The following POU4F2 variants were observed in gnomAD, a reference collection of about 807,000 sequenced individuals.
POU4F2 encodes the protein POU domain, class 4, transcription factor 2.
A neutral mutation model predicts 21.5 loss-of-function variants in POU4F2; 10 were observed. That is an observed-to-expected ratio of 0.46 (90% CI 0.29 to 0.79). The LOEUF (loss-of-function observed/expected upper bound fraction) is 0.79. POU4F2 is among the 30% of genes least tolerant of loss of function. POU4F2 has a pLI of 0.10. For missense variants in POU4F2, 623 were observed against 603.3 expected, an observed-to-expected ratio of 1.03 and a Z score of -0.34; for synonymous variants, 324 against 271.1, an observed-to-expected ratio of 1.20 and a Z score of -1.92.
chr4:146,639,101 G>A lies in POU4F2; in HGVS notation c.-40G>A. 6.3e-7 allele frequency: 1 copy of A among 1,590,828 alleles called. No homozygotes were observed. On this transcript the variant is annotated 5_prime_UTR_variant, in exon 1 of 2. It adds an upstream start codon to the 5' untranslated region. Transcript: ENST00000281321. ...CGGAGGGTCCCGGCAGCCGGGACCA[G>A]TGAGTGCCTCTACGGACCAGCGCCC... is the stretch of plus-strand genomic sequence containing the variant.
rs776534071 is a variant in POU4F2, at chr4:146,640,034, G to A, written c.456G>A (p.Ser152=). The change falls in exon 2 of 2, where the codon TCG becomes TCA. Residue 152 remains serine, a synonymous_variant. Coordinates refer to ENST00000281321, the MANE Select transcript of POU4F2 (RefSeq NM_004575.3). This position sits in a 1 kb window ranked among gnomAD's most constrained non-coding sequence, Gnocchi z 4.8. ...CTATGAATACCATCCCGTGCACGTC[G>A]GCCGCCTCTTCTTCATCGGTGCCCA... ...YHTMNTIPCT[S]AASSSSVPIS... The A allele has an allele frequency of 1.2e-6, 2 of 1,610,328 alleles. No individual in the cohort carries two copies. The highest frequency in any genetic ancestry group is 1.7e-6 in the Non-Finnish European group (2 of 1,179,832).
chr4:146,639,759 G>T (rs985246722), intron 1 of POU4F2, 108 bp from the exon 2 acceptor site: 14 of 1,100,150 alleles, frequency 1.3e-5, no homozygotes, highest in Non-Finnish European at 1.8e-5. Flanking sequence ...AACGATCTGG[G>T]AATGTTGTAG....
Position 146,640,883 on chromosome 4 carries a change from T to G in POU4F2, c.*75T>G. The G allele has an allele frequency of 7.0e-7, 1 of 1,419,846 alleles. No individual in the cohort carries two copies. Among genetic ancestry groups the G allele is most frequent in the Non-Finnish European group, 9.4e-7 (1 of 1,062,732 alleles). The allele number at this position is 1,419,846 out of a possible 1,614,324, so 88.0% of individuals were successfully genotyped here. ...TCTCCTCTCTTCTGCCTCTTTTCAC[T>G]TTTGGCGACTAGAAACAATTCCAGT... On this transcript the variant is annotated 3_prime_UTR_variant, in exon 2 of 2. Coordinates refer to ENST00000281321, the MANE Select transcript of POU4F2 (RefSeq NM_004575.3). The surrounding 1 kb of genome is among the most constrained non-coding windows in gnomAD (Gnocchi z 4.8).
chr4:146,640,307 G>A lies in POU4F2; in HGVS notation c.729G>A (p.Ser243=). The A allele has an allele frequency of 1.9e-6, 3 of 1,564,620 alleles. No individual in the cohort carries two copies. The highest frequency in any genetic ancestry group is 2.4e-5 in the South Asian group (2 of 83,224). Residue 243 remains serine, a synonymous_variant, in exon 2 of 2, where the codon TCG becomes TCA. Coordinates refer to ENST00000281321, the MANE Select transcript of POU4F2 (RefSeq NM_004575.3). The surrounding 1 kb of genome is among the most constrained non-coding windows in gnomAD (Gnocchi z 4.8). ...TGGCCCACGCGCACGGGCTGCCGTC[G>A]CACATGGGCTGCATGAGCGACGTGG... The part of the protein sequence containing the change: ...LSMAHAHGLP[S]HMGCMSDVDA...
chr4:146,640,053 G>A lies in POU4F2; in HGVS notation c.475G>A (p.Val159Met), dbSNP rs1366557354. Residue 159 changes from valine to methionine, a missense_variant, in exon 2 of 2, where the codon GTG becomes ATG. Val to Met is a conservative substitution (Grantham distance 21). Around this residue, in one of 3 missense-constraint regions of POU4F2, gnomAD observed 523 missense variants for 504.1 expected, o/e 1.04. Coordinates refer to ENST00000281321, the MANE Select transcript of POU4F2 (RefSeq NM_004575.3). This position sits in a 1 kb window ranked among gnomAD's most constrained non-coding sequence, Gnocchi z 4.8. ...PCTSAASSSS[V>M]PISHPSALAG... is the part of the protein sequence containing the mutation. Reference sequence around the variant, plus strand: ...CACGTCGGCCGCCTCTTCTTCATCGGTGCCCATCTCGCACCCTTCCGCGTT... The same window carrying A: ...CACGTCGGCCGCCTCTTCTTCATCGATGCCCATCTCGCACCCTTCCGCGTT... 1 of 1,608,646 alleles carries A rather than the reference G, an allele frequency of 6.2e-7. No homozygotes were observed. Among genetic ancestry groups the A allele is most frequent in the African/African-American group, 1.3e-5 (1 of 74,894 alleles).
rs1291903918 is a variant in POU4F2 at position 146,640,473 on chromosome 4, A to G, written c.895A>G (p.Ile299Val). The G allele has an allele frequency of 1.1e-5, 17 of 1,613,958 alleles. No individual in the cohort carries two copies. In the Admixed American group the frequency reaches 2.7e-4, roughly 25 times the overall value. Residue 299 changes from isoleucine (I) to valine (V), a missense_variant, in exon 2 of 2, where the codon ATC becomes GTC. Around this residue, in one of 3 missense-constraint regions of POU4F2, gnomAD observed 523 missense variants for 504.1 expected, o/e 1.04. Transcript: ENST00000281321. This position sits in a 1 kb window ranked among gnomAD's most constrained non-coding sequence, Gnocchi z 4.8. Reference protein sequence around the residue: ...PGVGSLSQSTICRFESLTLSH... With the variant: ...PGVGSLSQSTVCRFESLTLSH... The stretch of plus-strand genomic sequence containing the variant: ...CGTGGGCTCGCTTAGCCAGAGCACC[A>G]TCTGCAGGTTCGAGTCCCTCACACT...
chr4:146,640,344 C>T lies in POU4F2; in HGVS notation c.766C>T (p.Arg256Trp). ...CATGAGCGACGTGGACGCCGACCCG[C>T]GGGACCTGGAGGCATTCGCCGAGCG... The part of the protein sequence containing the change: ...GCMSDVDADP[R>W]DLEAFAERFK... The change falls in exon 2 of 2, where the codon CGG becomes TGG. Residue 256 changes from arginine to tryptophan, a missense_variant. Transcript: ENST00000281321. The surrounding 1 kb of genome is among the most constrained non-coding windows in gnomAD (Gnocchi z 4.8). 2 of 1,585,922 alleles carry T rather than the reference C, an allele frequency of 1.3e-6. No individual in the cohort carries two copies.
In POU4F2 at chr4:146,639,728, G is replaced by GATTATT. The variant is rs777576713; in HGVS notation, c.289-126_289-121dup. ...TTTTTCTCTTCACCTCTGTTTTCAG[G>GATTATT]ATTATTATTATTATTATTTTAACGA... is the stretch of plus-strand genomic sequence containing the variant. On this transcript the variant is annotated intron_variant, in intron 1 of 1. Coordinates refer to ENST00000281321, the MANE Select transcript of POU4F2 (RefSeq NM_004575.3). The GATTATT allele has an allele frequency of 4.0e-6, 4 of 988,454 alleles. No homozygotes were observed. In the African/African-American group the frequency reaches 5.1e-5, roughly 13 times the overall value. The allele number at this position is 988,454 out of a possible 1,614,324, so 61.2% of individuals were successfully genotyped here. A position where few individuals can be genotyped will look rare whatever the true frequency, so the allele number is the denominator to read the frequency against.
Position 146,641,080 on chromosome 4 carries a change from A to G in POU4F2, c.*272A>G. ...AACCCCACCTCGGCTTCTTCAGAGG[A>G]AGTGTGGAGATGGCTGTTTGCAGGA... On this transcript the variant is annotated 3_prime_UTR_variant, in exon 2 of 2. Transcript: ENST00000281321. 2.9e-6 allele frequency: 1 copy of G among 345,958 alleles called. No individual in the cohort carries two copies. Among genetic ancestry groups the G allele is most frequent in the Non-Finnish European group, 5.2e-6 (1 of 193,920 alleles). 21.4% of individuals were successfully genotyped at this position (345,958 alleles called of 1,614,324 possible).
Position 146,639,201 on chromosome 4 carries a change from CACGTGG to C in POU4F2, c.63_68del (p.His21_Glu23delinsGln), listed in dbSNP as rs1561026562. The C allele has an allele frequency of 1.2e-6, 2 of 1,606,904 alleles. No homozygotes were observed. Among genetic ancestry groups the C allele is most frequent in the African/African-American group, 2.7e-5 (2 of 74,178 alleles). ...TAGCATGCCGCACGGCGGCAGCCTG[CACGTGG>C]AGCCCAAGTACTCGGCACTGCACAG... On this transcript the variant is annotated inframe_deletion, in exon 1 of 2. Coordinates refer to ENST00000281321, the MANE Select transcript of POU4F2 (RefSeq NM_004575.3).
chr4:146,640,080 GC>G lies in POU4F2; in HGVS notation c.503del (p.Ala168GlyfsTer29). ...GCCCATCTCGCACCCTTCCGCGTTG[GC>G]GGGCACGCACCACCACCACCACCAT... ...SVPISHPSAL[A>X]GTHHHHHHHH... On this transcript the variant is annotated frameshift_variant, in exon 2 of 2. Coordinates refer to ENST00000281321, the MANE Select transcript of POU4F2 (RefSeq NM_004575.3). LOFTEE classifies it high-confidence loss of function. The surrounding 1 kb of genome is among the most constrained non-coding windows in gnomAD (Gnocchi z 4.8). 6.2e-7 allele frequency: 1 copy of G among 1,605,544 alleles called. No homozygotes were observed.
rs1740867777 is a variant in POU4F2, at chr4:146,640,597, T to A, written c.1019T>A (p.Phe340Tyr). 1.9e-6 allele frequency: 3 copies of A among 1,613,968 alleles called. No individual in the cohort carries two copies. In the African/African-American group the frequency reaches 4.0e-5, roughly 22 times the overall value. Residue 340 changes from phenylalanine (F) to tyrosine (Y), a missense_variant, in exon 2 of 2, where the codon TTC (phenylalanine) becomes TAC (tyrosine). Physicochemically the swap from Phe to Tyr is conservative, Grantham distance 22. Around this residue, in one of 3 missense-constraint regions of POU4F2, gnomAD observed 523 missense variants for 504.1 expected, o/e 1.04. Transcript: ENST00000281321. The surrounding 1 kb of genome is among the most constrained non-coding windows in gnomAD (Gnocchi z 4.8). ...HREKLTKPEL[F>Y]NGAEKKRKRT... ...GAGAAGCTCACCAAGCCTGAACTCT[T>A]CAATGGCGCGGAGAAGAAGCGCAAG...
Position 146,640,382 on chromosome 4 carries a change from A to T in POU4F2, c.804A>T (p.Arg268=). ...CATTCGCCGAGCGCTTCAAGCAGCG[A>T]CGCATCAAGCTGGGGGTGACCCAGG... ...LEAFAERFKQ[R]RIKLGVTQAD... The change falls in exon 2 of 2, where the codon CGA becomes CGT. Residue 268 remains arginine, a synonymous_variant. Transcript: ENST00000281321. This position sits in a 1 kb window ranked among gnomAD's most constrained non-coding sequence, Gnocchi z 4.8. 6.2e-7 allele frequency: 1 copy of T among 1,604,590 alleles called. No individual in the cohort carries two copies. Among genetic ancestry groups the T allele is most frequent in the Non-Finnish European group, 8.5e-7 (1 of 1,177,240 alleles).
In POU4F2 at chr4:146,642,424, T is replaced by G. The variant is rs933254279; in HGVS notation, c.*1616T>G. On this transcript the variant is annotated 3_prime_UTR_variant, in exon 2 of 2. Coordinates refer to ENST00000281321, the MANE Select transcript of POU4F2 (RefSeq NM_004575.3). ...TAATTTTAATGTTTTATTGGCAACG[T>G]ATGCTGCTTTTTCATTAAAATATGC... The G allele has an allele frequency of 1.3e-5, 2 of 152,220 alleles. No individual in the cohort carries two copies. The highest frequency in any genetic ancestry group is 2.9e-5 in the Non-Finnish European group (2 of 68,034). 9.4% of individuals were successfully genotyped at this position (152,220 alleles called of 1,614,324 possible).
At position 146,640,074 on chromosome 4, in the gene POU4F2, G is replaced by C; in HGVS notation, c.496G>C (p.Ala166Pro). ...SSSVPISHPS[A>P]LAGTHHHHHH... ...ATCGGTGCCCATCTCGCACCCTTCC[G>C]CGTTGGCGGGCACGCACCACCACCA... The change falls in exon 2 of 2, where the codon GCG becomes CCG. Residue 166 changes from alanine (A) to proline (P), a missense_variant. Physicochemically the swap from Ala to Pro is conservative, Grantham distance 27. Coordinates refer to ENST00000281321, the MANE Select transcript of POU4F2 (RefSeq NM_004575.3). This position sits in a 1 kb window ranked among gnomAD's most constrained non-coding sequence, Gnocchi z 4.8. 1 of 1,606,120 alleles carries C rather than the reference G, an allele frequency of 6.2e-7. No homozygotes were observed. Among genetic ancestry groups the C allele is most frequent in the South Asian group, 1.1e-5 (1 of 91,052 alleles).
chr4:146,640,605 G>T lies in POU4F2; in HGVS notation c.1027G>T (p.Ala343Ser). ...CACCAAGCCTGAACTCTTCAATGGC[G>T]CGGAGAAGAAGCGCAAGCGCACGTC... ...KLTKPELFNG[A>S]EKKRKRTSIA... is the part of the protein sequence containing the mutation. The change falls in exon 2 of 2, where the codon GCG becomes TCG. Residue 343 changes from alanine to serine, a missense_variant. Transcript: ENST00000281321. This position sits in a 1 kb window ranked among gnomAD's most constrained non-coding sequence, Gnocchi z 4.8. 1 of 1,614,108 alleles carries T rather than the reference G, an allele frequency of 6.2e-7. No individual in the cohort carries two copies. Among genetic ancestry groups the T allele is most frequent in the Non-Finnish European group, 8.5e-7 (1 of 1,179,986 alleles).
In POU4F2 at chr4:146,641,378, C is replaced by G. The variant is rs1409684041; in HGVS notation, c.*570C>G. Reference sequence around the variant, plus strand: ...TATATTTTTATTGTGGTTCTTACCCCCTTTTCCTTCTCTGAAGTGTTAATG... The same window carrying G: ...TATATTTTTATTGTGGTTCTTACCCGCTTTTCCTTCTCTGAAGTGTTAATG... On this transcript the variant is annotated 3_prime_UTR_variant, in exon 2 of 2. Coordinates refer to ENST00000281321, the MANE Select transcript of POU4F2 (RefSeq NM_004575.3). 1 of 152,538 alleles carries G rather than the reference C, an allele frequency of 6.6e-6. No individual in the cohort carries two copies. The highest frequency in any genetic ancestry group is 6.5e-5 in the Admixed American group (1 of 15,268). 9.4% of individuals were successfully genotyped at this position (152,538 alleles called of 1,614,324 possible). A position where few individuals can be genotyped will look rare whatever the true frequency, so the allele number is the denominator to read the frequency against.
In POU4F2 at chr4:146,639,076, CG is replaced by C. The variant is rs1016383718; in HGVS notation, c.-63del. Reference sequence around the variant, plus strand: ...CAGCCCCGGCTGGCCCGGCACTTCTCGGAGGGTCCCGGCAGCCGGGACCAGT... The same window carrying C: ...CAGCCCCGGCTGGCCCGGCACTTCTCGAGGGTCCCGGCAGCCGGGACCAGT... On this transcript the variant is annotated 5_prime_UTR_variant, in exon 1 of 2. Transcript: ENST00000281321. 154 of 1,551,004 alleles carry C rather than the reference CG, an allele frequency of 9.9e-5. No individual in the cohort carries two copies. The highest frequency in any genetic ancestry group is 1.3e-4 in the Non-Finnish European group (151 of 1,155,792).
In POU4F2 at chr4:146,641,054, G is replaced by C. The variant is rs558068608; in HGVS notation, c.*246G>C. ...TCTGTTGTAGCAAAGTTGTCCCTTTGAACCCCACCTCGGCTTCTTCAGAGG... is the reference window on the plus strand; with the variant it reads ...TCTGTTGTAGCAAAGTTGTCCCTTTCAACCCCACCTCGGCTTCTTCAGAGG... On this transcript the variant is annotated 3_prime_UTR_variant, in exon 2 of 2. Transcript: ENST00000281321. The C allele has an allele frequency of 7.7e-5, 32 of 414,204 alleles. No homozygotes were observed. In the South Asian group the frequency reaches 1.6e-3, roughly 21 times the overall value. The allele number at this position is 414,204 out of a possible 1,614,324, so 25.7% of individuals were successfully genotyped here. A position where few individuals can be genotyped will look rare whatever the true frequency, so the allele number is the denominator to read the frequency against.
Sources: allele counts gnomAD v4.1 joint callset, GRCh38; gene constraint gnomAD v4.1.1; regional missense constraint gnomAD v4.1.1; non-coding constraint Gnocchi (gnomAD v3.1); transcripts MANE v1.5; gene names NCBI Gene and HGNC (gene_info 2026-07-23, HGNC 2026-07-21).